SF3B1: variants seen among roughly 807,000 people sequenced by gnomAD.
The protein encoded by SF3B1 is splicing factor 3b subunit 1.
SF3B1 carries 12 observed loss-of-function variants against 153.8 expected under a neutral mutation model. The observed-to-expected ratio is 0.08, with a 90% CI of 0.05 to 0.13. The LOEUF is 0.13. SF3B1 is among the 10% of genes least tolerant of loss of function. The probability of loss-of-function intolerance (pLI) is 1.00; values close to 1 mark genes in which losing one functional copy is unlikely to be tolerated. For synonymous variants in SF3B1, 498 were observed against 525.2 expected (o/e 0.95, Z 0.71); for missense variants, 513 against 1,606.1 (o/e 0.32, Z 11.63).
intron 2 of SF3B1, among the ~76,000 whole-genome samples, chr2:197,423,372 A>G (rs1454198576): frequency 1.3e-5 from 2 of 150,740 alleles, no homozygotes; most frequent in Non-Finnish European, 3.0e-5. Flanking sequence ...ACTGTCTCAA[A>G]AAAAAAAAAA....
At position 197,390,463 on chromosome 2, in the gene SF3B1, ACTT is replaced by A. The variant is rs1386990940; in HGVS notation, c.*1837_*1839del. On this transcript the variant is annotated 3_prime_UTR_variant, in exon 25 of 25. Coordinates refer to ENST00000335508, the MANE Select transcript of SF3B1 (RefSeq NM_012433.4). ...AAGTTGCATGGAAGTACCGCTGAAAACTTCTAACAACAGAAAGATGAGTTTGGA... is the reference window on the plus strand; with the variant it reads ...AAGTTGCATGGAAGTACCGCTGAAAACTAACAACAGAAAGATGAGTTTGGA... The A allele has an allele frequency of 6.6e-6, 1 of 152,196 alleles. No homozygotes were observed. The highest frequency in any genetic ancestry group is 1.5e-5 in the Non-Finnish European group (1 of 68,044). The allele number at this position is 152,196 out of a possible 1,614,324, so 9.4% of individuals were successfully genotyped here. A position where few individuals can be genotyped will look rare whatever the true frequency, so the allele number is the denominator to read the frequency against.
In SF3B1 at chr2:197,401,912, G is replaced by A. The variant is rs2105984755; in HGVS notation, c.2224-24C>T. On this transcript the variant is annotated intron_variant, in intron 15 of 24. Coordinates refer to ENST00000335508, the MANE Select transcript of SF3B1 (RefSeq NM_012433.4). This position sits in a 1 kb window ranked among gnomAD's most constrained non-coding sequence, Gnocchi z 4.2. ...CCCTATTTTTAAATAAAAAATATAT[G>A]TACTTTAGTAATTTAGATTTATGTC... 1 of 1,586,392 alleles carries A rather than the reference G, an allele frequency of 6.3e-7. No homozygotes were observed. Among genetic ancestry groups the A allele is most frequent in the Non-Finnish European group, 8.5e-7 (1 of 1,169,878 alleles).
At chr2:197,421,925 G>T (rs1296293469) in intron 2 of SF3B1, among the ~76,000 whole-genome samples, 1 of 152,144 alleles carries the variant, frequency 6.6e-6, no homozygotes, top group South Asian at 2.1e-4. Flanking sequence ...AGGCTATAGT[G>T]AGGCATGATC....
rs986668501 is a variant in SF3B1 at position 197,408,689 on chromosome 2, T to A, written c.905-108A>T. ...AACTATCAAGTTCTAAAATAGAATA[T>A]TCCTAAAATGGTGACCCATTTAAAG... is the stretch of plus-strand genomic sequence containing the variant. On this transcript the variant is annotated intron_variant, in intron 7 of 24. Coordinates refer to ENST00000335508, the MANE Select transcript of SF3B1 (RefSeq NM_012433.4). The A allele has an allele frequency of 7.6e-6, 6 of 785,782 alleles. No individual in the cohort carries two copies. In the East Asian group the frequency reaches 1.3e-4, roughly 17 times the overall value. The allele number at this position is 785,782 out of a possible 1,614,324, so 48.7% of individuals were successfully genotyped here.
At position 197,402,639 on chromosome 2, in the gene SF3B1, A is replaced by G. The variant is rs1396112737; in HGVS notation, c.1994T>C (p.Ile665Thr). ...KKSWQARHTG[I>T]KIVQQIAILM... is the part of the protein sequence containing the mutation. Reference sequence around the variant, plus strand: ...AATAGCTATCTGTTGTACAATCTTAATACCAGTGTGTCTCGCTTGCCAGGA... The same window carrying G: ...AATAGCTATCTGTTGTACAATCTTAGTACCAGTGTGTCTCGCTTGCCAGGA... Residue 665 changes from isoleucine to threonine, a missense_variant, in exon 14 of 25, where the codon ATT (isoleucine) becomes ACT (threonine). Around this residue, in one of 21 missense-constraint regions of SF3B1, gnomAD observed 13 missense variants for 16.1 expected, o/e 0.81. Coordinates refer to ENST00000335508, the MANE Select transcript of SF3B1 (RefSeq NM_012433.4). This position sits in a 1 kb window ranked among gnomAD's most constrained non-coding sequence, Gnocchi z 4.6. The G allele has an allele frequency of 6.2e-7, 1 of 1,613,966 alleles. No homozygotes were observed. Among genetic ancestry groups the G allele is most frequent in the African/African-American group, 1.3e-5 (1 of 74,934 alleles).
rs961055446 is a variant in SF3B1, at chr2:197,398,213, T to C, written c.3135-97A>G. 1.3e-5 allele frequency: 14 copies of C among 1,055,828 alleles called. No homozygotes were observed. In the African/African-American group the frequency reaches 1.9e-4, roughly 14 times the overall value. The allele number at this position is 1,055,828 out of a possible 1,614,324, so 65.4% of individuals were successfully genotyped here. The stretch of plus-strand genomic sequence containing the variant: ...GTTCTAAAAACATGATTAACTCATT[T>C]TAAGCATTAAATAAAACTTACTACT... On this transcript the variant is annotated intron_variant, in intron 21 of 24. Coordinates refer to ENST00000335508, the MANE Select transcript of SF3B1 (RefSeq NM_012433.4).
intron 5 of SF3B1, among the ~76,000 whole-genome samples, chr2:197,418,212 G>A (rs1234876858): frequency 3.1e-5 from 3 of 95,334 alleles, no homozygotes; most frequent in Non-Finnish European, 6.1e-5. Flanking sequence ...CTCTAGCCTG[G>A]ATGACAGAGT....
At chr2:197,434,837 GGAGACGA>G in intron 1 of SF3B1, 128 bp downstream of exon 1, 1 of 906,216 alleles carries the variant, frequency 1.1e-6, no homozygotes, top group Non-Finnish European at 1.7e-6. Context: ...CTGGCGCGGA[GGAGACGA>G]CCCTTGGCCC....
chr2:197,392,891 C>A (rs534091196), intron 24 of SF3B1, 81 bp downstream of exon 24: 1 of 811,496 alleles, frequency 1.2e-6, no homozygotes, highest in Non-Finnish European at 2.0e-6. Context: ...CAAACCTGCA[C>A]GTTCAGCACA....
chr2:197,419,061 T>A (rs1559274558), intron 4 of SF3B1: 1 of 829,794 alleles, frequency 1.2e-6, no homozygotes, highest in African/African-American at 1.7e-5. Context: ...TATGACTAGA[T>A]AAGTTCTTCA....
rs1393038308 is a variant in SF3B1 at position 197,401,517 on chromosome 2, T to C, written c.2379A>G (p.Lys793=). The C allele has an allele frequency of 6.2e-7, 1 of 1,609,596 alleles. No individual in the cohort carries two copies. The highest frequency in any genetic ancestry group is 1.1e-5 in the South Asian group (1 of 89,994). The part of the protein sequence containing the change: ...EMKKIVLKVV[K]QCCGTDGVEA... ...CTACACCATCTGTCCCACAACACTG[T>C]TTTACCACCTAAAAGGTTAAGAAAT... Residue 793 remains lysine, a synonymous_variant, in exon 17 of 25, where the codon AAA becomes AAG. Coordinates refer to ENST00000335508, the MANE Select transcript of SF3B1 (RefSeq NM_012433.4). This position sits in a 1 kb window ranked among gnomAD's most constrained non-coding sequence, Gnocchi z 4.2.
At chr2:197,431,104 C>CTTTTT (rs558644461) in intron 1 of SF3B1, among the ~76,000 whole-genome samples, 4 of 73,710 alleles carry the variant, frequency 5.4e-5, no homozygotes, top group South Asian at 6.0e-4. Context: ...GCCTTTTCTT[C>CTTTTT]TTTTTTTTTT....
At chr2:197,405,566 T>A (rs958837731) in intron 9 of SF3B1, 94 bp from the exon 10 acceptor site, 3 of 853,616 alleles carry the variant, frequency 3.5e-6, no homozygotes, top group Middle Eastern at 2.8e-4. Context: ...GTTTATTAGC[T>A]AATAAGGTTT....
intron 22 of SF3B1, 102 bp from the exon 23 acceptor site, chr2:197,396,430 C>G: frequency 1.1e-6 from 1 of 882,094 alleles, no homozygotes; most frequent in East Asian, 2.6e-5. Flanking sequence ...TTAATAATTA[C>G]AGGGAACTCA....
Position 197,402,881 on chromosome 2 carries a change from C to T in SF3B1, c.1807-55G>A, listed in dbSNP as rs2084949829. On this transcript the variant is annotated intron_variant, in intron 13 of 24. Coordinates refer to ENST00000335508, the MANE Select transcript of SF3B1 (RefSeq NM_012433.4). This position sits in a 1 kb window ranked among gnomAD's most constrained non-coding sequence, Gnocchi z 4.6. Reference sequence around the variant, plus strand: ...TGAGTTGGTAATATTAATCTTCAACCATTTCTTTCCATAATCAATTCCATA... The same window carrying T: ...TGAGTTGGTAATATTAATCTTCAACTATTTCTTTCCATAATCAATTCCATA... 6.2e-7 allele frequency: 1 copy of T among 1,608,890 alleles called. No individual in the cohort carries two copies. The highest frequency in any genetic ancestry group is 8.5e-7 in the Non-Finnish European group (1 of 1,176,510).
rs1036884212 is a variant in SF3B1, at chr2:197,401,909, T to C, written c.2224-21A>G. ...AAACCCTATTTTTAAATAAAAAATA[T>C]ATGTACTTTAGTAATTTAGATTTAT... On this transcript the variant is annotated intron_variant, in intron 15 of 24. Coordinates refer to ENST00000335508, the MANE Select transcript of SF3B1 (RefSeq NM_012433.4). This position sits in a 1 kb window ranked among gnomAD's most constrained non-coding sequence, Gnocchi z 4.2. The C allele has an allele frequency of 1.3e-6, 2 of 1,583,816 alleles. No homozygotes were observed. The highest frequency in any genetic ancestry group is 2.7e-5 in the African/African-American group (2 of 72,770).
chr2:197,424,103 A>G (rs1467851698), intron 1 of SF3B1, 129 bp from the exon 2 acceptor site: 9 of 786,042 alleles, frequency 1.1e-5, no homozygotes, highest in African/African-American at 3.6e-5. Context: ...ATTGCACCAT[A>G]TAAGAGACTA....
chr2:197,433,029 G>C (rs952004460), intron 1 of SF3B1, among the ~76,000 whole-genome samples: 8 of 152,150 alleles, frequency 5.3e-5, no homozygotes, highest in African/African-American at 1.9e-4. Flanking sequence ...TACTATAGCA[G>C]CACTGCCCCA....
At chr2:197,397,238 G>A (rs1407903774) in intron 22 of SF3B1, among the ~76,000 whole-genome samples, 1 of 152,068 alleles carries the variant, frequency 6.6e-6, no homozygotes, top group East Asian at 1.9e-4. Context: ...AGGTTGGAGT[G>A]CAGTGGCACA....
Sources: allele counts gnomAD v4.1 joint callset (sites outside exome capture counted in the v4.1 genomes callset), GRCh38; gene constraint gnomAD v4.1.1; regional missense constraint gnomAD v4.1.1; non-coding constraint Gnocchi (gnomAD v3.1); transcripts MANE v1.5; gene names NCBI Gene and HGNC (gene_info 2026-07-23, HGNC 2026-07-21).